GMDS: variants seen among roughly 807,000 people sequenced by gnomAD.
The protein encoded by GMDS is GDP-mannose 4,6 dehydratase.
GMDS carries 20 observed loss-of-function variants against 49.9 expected under a neutral mutation model. The ratio of observed to expected loss-of-function variants is 0.40; its 90% CI spans 0.28 to 0.58. GMDS has a LOEUF of 0.58. Ranked by LOEUF, GMDS falls within the 20% of genes least tolerant of loss-of-function variation. GMDS has a pLI of 0.42. For missense variants in GMDS, 362 were observed against 481.4 expected (o/e 0.75, Z 2.32); for synonymous variants, 177 against 178.6 (o/e 0.99, Z 0.07).
chr6:1,779,795 G>A (rs144266227), intron 7 of GMDS, among the ~76,000 whole-genome samples: 221 of 152,340 alleles, frequency 1.5e-3, no homozygotes, highest in African/African-American at 4.5e-3. Flanking sequence ...GGCCACAGAC[G>A]TAACTGAGCG....
At chr6:1,953,894 A>G (rs541185291) in intron 6 of GMDS, among the ~76,000 whole-genome samples, 5 of 152,302 alleles carry the variant, frequency 3.3e-5, no homozygotes, top group African/African-American at 9.6e-5. Flanking sequence ...TCTTTATGAC[A>G]AGTCTGATTG....
chr6:2,198,895 C>T (rs1378672852), intron 1 of GMDS, among the ~76,000 whole-genome samples: 4 of 151,356 alleles, frequency 2.6e-5, no homozygotes, highest in Non-Finnish European at 4.4e-5. Flanking sequence ...AGAATGAGAA[C>T]AGGTAGAAAA....
intron 7 of GMDS, among the ~76,000 whole-genome samples, chr6:1,846,922 T>C (rs1430887321): frequency 6.6e-6 from 1 of 152,164 alleles, no homozygotes; most frequent in East Asian, 1.9e-4. Flanking sequence ...ATGACAAGTA[T>C]GAAGCTGGAG....
intron 9 of GMDS, among the ~76,000 whole-genome samples, chr6:1,649,152 T>C (rs1429334930): frequency 6.6e-6 from 1 of 152,256 alleles, no homozygotes; most frequent in Admixed American, 6.5e-5. Context: ...AATGACACGT[T>C]AACCCTGTCT....
chr6:2,236,447 G>C (rs910174636), intron 1 of GMDS, among the ~76,000 whole-genome samples: 16 of 152,116 alleles, frequency 1.1e-4, no homozygotes, highest in African/African-American at 3.4e-4. Context: ...TCCTTGACTG[G>C]GTTTACTCCA....
rs576201763 is a variant in GMDS, at chr6:1,952,645, G to A, written c.643+7222C>T. Among the ~76,000 whole-genome samples, 3 of 152,142 alleles carry A rather than the reference G, an allele frequency of 2.0e-5. No homozygotes were observed. In the South Asian group the frequency reaches 6.2e-4, roughly 32 times the overall value. ...GCTCCTGGGGGAAGAAGGTAGTGATGGATCTGTTGCAAGGCCCCATGGTCA... is the reference window on the plus strand; with the variant it reads ...GCTCCTGGGGGAAGAAGGTAGTGATAGATCTGTTGCAAGGCCCCATGGTCA... On this transcript the variant is annotated intron_variant, in intron 6 of 10. Transcript: ENST00000380815.
At chr6:2,202,596 A>T (rs546113748) in intron 1 of GMDS, among the ~76,000 whole-genome samples, 104 of 152,230 alleles carry the variant, frequency 6.8e-4, no homozygotes, top group African/African-American at 2.4e-3. Context: ...ATTGATGGAA[A>T]CTGAGTAAGG....
chr6:1,799,405 C>A (rs1415283283), intron 7 of GMDS, among the ~76,000 whole-genome samples: 1 of 152,196 alleles, frequency 6.6e-6, no homozygotes, highest in Non-Finnish European at 1.5e-5. Context: ...TGACTCCCAG[C>A]CACCTGCCTT....
At chr6:1,726,337 C>T (rs1766584394) in intron 9 of GMDS, 79 bp downstream of exon 9, 2 of 915,006 alleles carry the variant, frequency 2.2e-6, no homozygotes, top group Non-Finnish European at 3.7e-6. Context: ...CAAAGGCTGG[C>T]ACCAGGCATT....
chr6:1,922,978 A>G (rs1337394493), intron 7 of GMDS, among the ~76,000 whole-genome samples: 1 of 152,160 alleles, frequency 6.6e-6, no homozygotes, highest in Non-Finnish European at 1.5e-5. Flanking sequence ...TCCTGTTCTC[A>G]TGGTAGTAAG....
At chr6:2,210,967 T>C (rs1376433275) in intron 1 of GMDS, among the ~76,000 whole-genome samples, 2 of 152,218 alleles carry the variant, frequency 1.3e-5, no homozygotes, top group African/African-American at 2.4e-5. Flanking sequence ...TGTGTGGCAC[T>C]TCTCCCTTCA....
rs1383754454 is a variant in GMDS, at chr6:2,177,365, A to AT, written c.103-52635dup. ...AAAAACATAGCTGGCCGTCATCCTG[A>AT]TATCAAAATTTGGCAGAAAAACAAC... On this transcript the variant is annotated intron_variant, in intron 1 of 10. Coordinates refer to ENST00000380815, the MANE Select transcript of GMDS (RefSeq NM_001500.4). Among the ~76,000 whole-genome samples the AT allele has an allele frequency of 2.0e-5, 3 of 152,194 alleles. No homozygotes were observed. The East Asian group carries it at 5.8e-4, about 29-fold the overall frequency.
chr6:1,720,018 A>G (rs1474348287), intron 9 of GMDS, among the ~76,000 whole-genome samples: 1 of 152,244 alleles, frequency 6.6e-6, no homozygotes, highest in African/African-American at 2.4e-5. Flanking sequence ...CACTAGGAAT[A>G]CCAGAAGGAC....
chr6:2,226,013 GA>G (rs982123304), intron 1 of GMDS, among the ~76,000 whole-genome samples: 5 of 149,924 alleles, frequency 3.3e-5, no homozygotes, highest in African/African-American at 1.2e-4. Context: ...CCTAAGAAAA[GA>G]AAAAAAGAGA....
chr6:1,677,270 T>C (rs997482793), intron 9 of GMDS, among the ~76,000 whole-genome samples: 9 of 152,230 alleles, frequency 5.9e-5, no homozygotes, highest in Non-Finnish European at 1.3e-4. Flanking sequence ...CATTAAAAAG[T>C]CAGGAAACAA....
At chr6:1,919,356 G>T (rs1410848171) in intron 7 of GMDS, among the ~76,000 whole-genome samples, 3 of 152,166 alleles carry the variant, frequency 2.0e-5, no homozygotes, top group Non-Finnish European at 2.9e-5. Context: ...AGGTACTTAG[G>T]GAAGCTATCC....
intron 7 of GMDS, among the ~76,000 whole-genome samples, chr6:1,908,585 G>T: frequency 6.6e-6 from 1 of 152,052 alleles, no homozygotes; most frequent in East Asian, 1.9e-4. Flanking sequence ...TAATAAAGAG[G>T]CATAGAAAGT....
chr6:1,930,677 T>C (rs1254028090), intron 6 of GMDS: 1 of 152,610 alleles, frequency 6.6e-6, no homozygotes, highest in East Asian at 1.9e-4. Flanking sequence ...TAAAGCTACT[T>C]TGGGACTCAT....
intron 1 of GMDS, among the ~76,000 whole-genome samples, chr6:2,235,916 G>C (rs188363349): frequency 1.3e-5 from 2 of 152,140 alleles, no homozygotes; most frequent in East Asian, 1.9e-4. Context: ...TTGGGAGCCA[G>C]TTCTCTATGG....
Sources: gnomAD v4.1 joint callset for allele counts (sites outside exome capture counted in the v4.1 genomes callset) on GRCh38, gnomAD v4.1.1 for gene constraint, MANE v1.5 for transcripts, NCBI Gene and HGNC (gene_info 2026-07-23, HGNC 2026-07-21) for gene names.